PROM1: variants seen among roughly 807,000 people sequenced by gnomAD.
PROM1 encodes prominin 1, also known as prominin-1.
A neutral mutation model predicts 116.9 loss-of-function variants in PROM1; 105 were observed. The observed-to-expected ratio is 0.90, with a 90% CI of 0.77 to 1.06. The LOEUF is 1.06. Among genes scored for constraint, PROM1 ranks in the 50% least tolerant of loss-of-function variants. The pLI is 0.00. For missense variants in PROM1, 1,122 were observed against 1,045.2 expected (o/e 1.07, Z -1.01); for synonymous variants, 393 against 387.0 (o/e 1.02, Z -0.18).
intron 8 of PROM1, 84 bp downstream of exon 8, chr4:16,023,242 G>T: frequency 1.6e-6 from 2 of 1,246,708 alleles, no homozygotes; most frequent in Non-Finnish European, 2.3e-6. Flanking sequence ...CAGCTCTCAG[G>T]GAACAAGAAA....
chr4:15,979,292 G>A lies in PROM1; in HGVS notation c.2582+103C>T, dbSNP rs1266338834. On this transcript the variant is annotated intron_variant, in intron 26 of 27. Transcript: ENST00000447510. Reference sequence around the variant, plus strand: ...TAGCATTGATAAAGTATCATACAGAGAGAAGTGAAGGCATCAGCAGCATGC... The same window carrying A: ...TAGCATTGATAAAGTATCATACAGAAAGAAGTGAAGGCATCAGCAGCATGC... 7.7e-6 allele frequency: 12 copies of A among 1,559,630 alleles called. No homozygotes were observed. In the East Asian group the frequency reaches 9.1e-5, roughly 12 times the overall value.
At chr4:15,978,835 C>A (rs1716928177) in intron 26 of PROM1, among the ~76,000 whole-genome samples, 1 of 152,192 alleles carries the variant, frequency 6.6e-6, no homozygotes, top group Non-Finnish European at 1.5e-5. Flanking sequence ...GAGGACCGAC[C>A]TCTGGCAAGC....
intron 5 of PROM1, among the ~76,000 whole-genome samples, chr4:16,033,091 G>A (rs1324230897): frequency 6.7e-6 from 1 of 148,266 alleles, no homozygotes; most frequent in African/African-American, 2.4e-5. Context: ...AGCTCAGCTG[G>A]GGCAGCTTCA....
chr4:15,991,836 T>G (rs1721080133), intron 17 of PROM1, among the ~76,000 whole-genome samples: 1 of 146,080 alleles, frequency 6.8e-6, no homozygotes, highest in South Asian at 2.2e-4. Flanking sequence ...CTCGGGAGGC[T>G]GAGGCAGGAG....
chr4:16,013,182 T>A, intron 11 of PROM1, 93 bp downstream of exon 11: 1 of 1,022,868 alleles, frequency 9.8e-7, no homozygotes, highest in East Asian at 2.4e-5. Flanking sequence ...AGAAACTGTT[T>A]TTTTAAGAGG....
At chr4:16,017,733 A>G (rs968079064) in intron 9 of PROM1, among the ~76,000 whole-genome samples, 6 of 152,208 alleles carry the variant, frequency 3.9e-5, no homozygotes, top group Admixed American at 3.9e-4. Context: ...AGGCAAGAGA[A>G]TCACTTGAAC....
intron 10 of PROM1, 61 bp from the exon 11 acceptor site, chr4:16,013,399 CACTCAT>C: frequency 3.2e-6 from 4 of 1,255,894 alleles, no homozygotes; most frequent in Non-Finnish European, 3.5e-6. Context: ...GTTGACTAGT[CACTCAT>C]TTTGCAACTC....
chr4:16,003,973 G>A (rs1724547546), intron 13 of PROM1, among the ~76,000 whole-genome samples: 1 of 152,146 alleles, frequency 6.6e-6, no homozygotes, highest in Admixed American at 6.5e-5. Flanking sequence ...TTAAAGAGCA[G>A]GTGGTGTTTT....
In PROM1 at chr4:16,078,798, T is replaced by C. The variant is rs369225142; in HGVS notation, c.-212-2680A>G. On this transcript the variant is annotated intron_variant, in intron 1 of 27. Transcript: ENST00000447510. ...CAACAGATGGGATTTCTTGAGCTAT[T>C]TGAACAAAGATGTTAATTCATATCT... Among the ~76,000 whole-genome samples, 7 of 152,212 alleles carry C rather than the reference T, an allele frequency of 4.6e-5. No individual in the cohort carries two copies. The East Asian group carries it at 5.8e-4, about 13-fold the overall frequency.
At chr4:16,000,863 C>T (rs1239346136) in intron 13 of PROM1, among the ~76,000 whole-genome samples, 154 of 144,976 alleles carry the variant, frequency 1.1e-3, no homozygotes, top group Non-Finnish European at 2.1e-4. Flanking sequence ...CCAGAGCAGG[C>T]GGGGGATCAC....
At chr4:16,011,315 G>GA (rs1368420882) in intron 11 of PROM1, among the ~76,000 whole-genome samples, 3 of 152,154 alleles carry the variant, frequency 2.0e-5, no homozygotes, top group Non-Finnish European at 1.5e-5. Flanking sequence ...GCTGGCTAAA[G>GA]GACAAGCAGA....
At chr4:16,070,511 T>C (rs1052092858) in intron 2 of PROM1, among the ~76,000 whole-genome samples, 2 of 152,182 alleles carry the variant, frequency 1.3e-5, no homozygotes, top group African/African-American at 2.4e-5. Context: ...CATGATTGAG[T>C]CCATTTTGAT....
At chr4:16,039,435 A>C (rs549964804) in intron 2 of PROM1, among the ~76,000 whole-genome samples, 48 of 152,302 alleles carry the variant, frequency 3.2e-4, no homozygotes, top group African/African-American at 1.2e-3. Flanking sequence ...GATGAAAGGA[A>C]TCTTAAAATT....
chr4:15,979,662 CTT>C (rs1200105773), intron 25 of PROM1, among the ~76,000 whole-genome samples, 199 bp from the exon 26 acceptor site: 1 of 152,188 alleles, frequency 6.6e-6, no homozygotes, highest in Admixed American at 6.5e-5. Flanking sequence ...GATTAATAAA[CTT>C]AACATATAAA....
chr4:16,026,455 T>C (rs1234267146), intron 5 of PROM1, among the ~76,000 whole-genome samples: 1 of 143,298 alleles, frequency 7.0e-6, no homozygotes, highest in Non-Finnish European at 1.5e-5. Flanking sequence ...GTGGAAGATG[T>C]AGATATGGTT....
intron 26 of PROM1, among the ~76,000 whole-genome samples, chr4:15,976,848 G>A (rs1020663564): frequency 1.3e-5 from 2 of 152,156 alleles, no homozygotes; most frequent in Non-Finnish European, 2.9e-5. Flanking sequence ...CTCCAGCTGG[G>A]GGCAGCATGG....
At chr4:16,039,059 T>C in intron 2 of PROM1, 58 bp from the exon 3 acceptor site, 1 of 1,367,462 alleles carries the variant, frequency 7.3e-7, no homozygotes, top group Non-Finnish European at 9.6e-7. Flanking sequence ...ATAAAATGCA[T>C]ATTTAGAAAA....
At chr4:15,979,748 A>T (rs1378882295) in intron 25 of PROM1, 133 bp downstream of exon 25, 1 of 957,658 alleles carries the variant, frequency 1.0e-6, no homozygotes, top group Non-Finnish European at 1.5e-6. Flanking sequence ...ATTGCAATTT[A>T]TTTTTGCCTG....
At chr4:16,021,148 G>A (rs149631056) in intron 8 of PROM1, among the ~76,000 whole-genome samples, 124 of 143,380 alleles carry the variant, frequency 8.6e-4, no homozygotes, top group Non-Finnish European at 1.5e-3. Flanking sequence ...GTTTTAAGAA[G>A]TTCTGGCAAC....
Sources: gnomAD v4.1 joint callset for allele counts (sites outside exome capture counted in the v4.1 genomes callset) on GRCh38, gnomAD v4.1.1 for gene constraint, MANE v1.5 for transcripts, NCBI Gene and HGNC (gene_info 2026-07-23, HGNC 2026-07-21) for gene names.